DYNC2I1: variants seen among roughly 807,000 people sequenced by gnomAD.
The protein encoded by DYNC2I1 is dynein 2 intermediate chain 1, also known as cytoplasmic dynein 2 intermediate chain 1.
In DYNC2I1, 89 loss-of-function variants were observed where a neutral mutation model predicts 133.4. The ratio of observed to expected loss-of-function variants is 0.67; its 90% confidence interval spans 0.56 to 0.80. The LOEUF is 0.80. DYNC2I1 is among the 30% of genes least tolerant of loss of function. The probability of loss-of-function intolerance (pLI) is 0.00; values close to 1 mark genes in which losing one functional copy is unlikely to be tolerated. For synonymous variants in DYNC2I1, 504 were observed against 484.3 expected, an observed-to-expected ratio of 1.04 and a Z score of -0.54; for missense variants, 1,291 against 1,314.5, an observed-to-expected ratio of 0.98 and a Z score of 0.28.
intron 8 of DYNC2I1, among the ~76,000 whole-genome samples, chr7:158,901,382 G>A (rs972373532): frequency 6.6e-6 from 1 of 152,184 alleles, no homozygotes; most frequent in Non-Finnish European, 1.5e-5. Flanking sequence ...CAGCTACACT[G>A]TCTTTAATGG....
Position 158,934,442 on chromosome 7 carries a change from CAA to C in DYNC2I1, c.2672_2673del (p.Gln891ArgfsTer22), listed in dbSNP as rs1850549505. 6.2e-7 allele frequency: 1 copy of C among 1,601,286 alleles called. No homozygotes were observed. Among genetic ancestry groups the C allele is most frequent in the African/African-American group, 1.3e-5 (1 of 74,772 alleles). ...GGGTCTCATAAGCCATGGCACAAGA[CAA>C]GATTTGAGAGTGGCTCCCAAACTAT... ...DMGLISHGTR[Q>X]DLRVAPKLFK... On this transcript the variant is annotated frameshift_variant, in exon 23 of 25. Coordinates refer to ENST00000407559, the MANE Select transcript of DYNC2I1 (RefSeq NM_018051.5). LOFTEE classifies it high-confidence loss of function.
chr7:158,866,807 C>G (rs998021855), intron 1 of DYNC2I1, among the ~76,000 whole-genome samples: 2 of 151,940 alleles, frequency 1.3e-5, no homozygotes, highest in Non-Finnish European at 2.9e-5. Flanking sequence ...ATTGCTTGAA[C>G]CTAGGAAGTG....
In DYNC2I1 at chr7:158,871,149, A is replaced by G; in HGVS notation, c.77A>G (p.Gln26Arg). 1.2e-6 allele frequency: 2 copies of G among 1,612,338 alleles called. No individual in the cohort carries two copies. Among genetic ancestry groups the G allele is most frequent in the Non-Finnish European group, 1.7e-6 (2 of 1,179,092 alleles). The change falls in exon 3 of 25, where the codon CAG becomes CGG. Residue 26 changes from glutamine to arginine, a missense_variant. Coordinates refer to ENST00000407559, the MANE Select transcript of DYNC2I1 (RefSeq NM_018051.5). Reference sequence around the variant, plus strand: ...TTTGTTCTCTTGTTTCAGGCCATACAGTCAGGTGGTTCCAAGGAAGAAAGA... The same window carrying G: ...TTTGTTCTCTTGTTTCAGGCCATACGGTCAGGTGGTTCCAAGGAAGAAAGA... ...DDLRKHLWAI[Q>R]SGGSKEERKH...
At chr7:158,863,703 T>G (rs1447689917) in intron 1 of DYNC2I1, among the ~76,000 whole-genome samples, 28 of 20,624 alleles carry the variant, frequency 1.4e-3, no homozygotes, top group South Asian at 2.7e-3. Flanking sequence ...TCCTGGTGTG[T>G]GTGGGGGGGG....
chr7:158,938,962 A>G (rs187776841), intron 23 of DYNC2I1, among the ~76,000 whole-genome samples: 149 of 152,358 alleles, frequency 9.8e-4, no homozygotes, highest in African/African-American at 3.5e-3. Context: ...ATTAAAAACA[A>G]TAATAGCTAT....
At chr7:158,903,768 C>T (rs1375167297) in intron 10 of DYNC2I1, 2 of 152,232 alleles carry the variant, frequency 1.3e-5, no homozygotes, top group Non-Finnish European at 2.9e-5. Context: ...AGCTTGTCTG[C>T]TCTGGAGTTG....
chr7:158,884,292 G>A (rs1257698787), intron 5 of DYNC2I1, among the ~76,000 whole-genome samples: 22 of 151,952 alleles, frequency 1.4e-4, no homozygotes, highest in Admixed American at 6.6e-5. Flanking sequence ...TGATGCGCCC[G>A]CCTTGGCCTC....
At chr7:158,958,414 G>T (rs1445500764), downstream of DYNC2I1, among the ~76,000 whole-genome samples, 2 of 152,232 alleles carry the variant, frequency 1.3e-5, no homozygotes, top group Non-Finnish European at 2.9e-5. Flanking sequence ...TCTGTGCGCG[G>T]ATCAGCTGCT....
intron 4 of DYNC2I1, among the ~76,000 whole-genome samples, chr7:158,954,341 A>G (rs904133423): frequency 2.0e-5 from 3 of 152,216 alleles, no homozygotes; most frequent in Admixed American, 2.0e-4. Flanking sequence ...TTGTACATAT[A>G]TTCTTTTGAA....
At position 158,893,594 on chromosome 7, in the gene DYNC2I1, G is replaced by A. The variant is rs187148975; in HGVS notation, c.1059+2261G>A. ...AGCCTCTTGGTCACGTGGCTGCCTG[G>A]GAGGTGTGGCTGCTGCTGTTGCCAG... On this transcript the variant is annotated intron_variant, in intron 8 of 24. Transcript: ENST00000407559. Among the ~76,000 whole-genome samples, 865 of 152,256 alleles carry A rather than the reference G, an allele frequency of 5.7e-3. 5 individuals are homozygous for A. The highest frequency in any genetic ancestry group is 8.9e-3 in the Non-Finnish European group (605 of 67,996).
intron 21 of DYNC2I1, among the ~76,000 whole-genome samples, chr7:158,932,285 G>A (rs756136591): frequency 1.3e-5 from 2 of 152,176 alleles, no homozygotes; most frequent in Non-Finnish European, 2.9e-5. Flanking sequence ...GGGGCAGCTT[G>A]GGGGATGGAG....
intron 24 of DYNC2I1, 33 bp downstream of exon 24, chr7:158,942,181 T>A (rs1186232817): frequency 6.7e-7 from 1 of 1,488,278 alleles, no homozygotes; most frequent in Non-Finnish European, 8.9e-7. Flanking sequence ...AGCTGCTGGT[T>A]GTGGGGGGGC....
intron 11 of DYNC2I1, among the ~76,000 whole-genome samples, chr7:158,906,608 G>A (rs1481854005): frequency 3.3e-5 from 5 of 151,930 alleles, no homozygotes; most frequent in African/African-American, 4.8e-5. Context: ...ACAGGTGGCC[G>A]CCACCACGCC....
intron 16 of DYNC2I1, 42 bp from the exon 17 acceptor site, chr7:158,923,529 C>T: frequency 1.2e-6 from 2 of 1,613,788 alleles, no homozygotes; most frequent in Non-Finnish European, 8.5e-7. Flanking sequence ...GCATGCTTCT[C>T]ATATTCTTCT....
chr7:158,846,068 T>G, the DYNC2I1 span, among the ~76,000 whole-genome samples: 1 of 152,148 alleles, frequency 6.6e-6, no homozygotes, highest in African/African-American at 2.4e-5. Context: ...GAGACTAGCC[T>G]GGGCAACATA....
chr7:158,911,149 G>A (rs1484770875), intron 11 of DYNC2I1, among the ~76,000 whole-genome samples: 7 of 152,214 alleles, frequency 4.6e-5, no homozygotes, highest in Admixed American at 4.6e-4. Context: ...TACTGGCTGC[G>A]TGGTCCGACC....
At chr7:158,892,304 G>A (rs187948469) in intron 8 of DYNC2I1, among the ~76,000 whole-genome samples, 37 of 152,218 alleles carry the variant, frequency 2.4e-4, no homozygotes, top group Non-Finnish European at 3.7e-4. Flanking sequence ...GTCAGCAGGC[G>A]TTGTATTTAC....
intron 20 of DYNC2I1, 72 bp from the exon 21 acceptor site, chr7:158,930,383 C>T: frequency 7.7e-7 from 1 of 1,306,936 alleles, no homozygotes; most frequent in Non-Finnish European, 1.1e-6. Context: ...AAAATGATTC[C>T]AGGCAACTAT....
At chr7:158,890,219 T>G (rs1464450740) in intron 7 of DYNC2I1, among the ~76,000 whole-genome samples, 2 of 152,102 alleles carry the variant, frequency 1.3e-5, no homozygotes, top group Non-Finnish European at 2.9e-5. Flanking sequence ...TCATAACATC[T>G]TATATAATCC....
Sources: allele counts gnomAD v4.1 joint callset (sites outside exome capture counted in the v4.1 genomes callset), GRCh38; gene constraint gnomAD v4.1.1; transcripts MANE v1.5; gene names NCBI Gene and HGNC (gene_info 2026-07-23, HGNC 2026-07-21).